Variants in PCDHA1 observed in about 807,000 individuals in gnomAD.
The protein encoded by PCDHA1 is protocadherin alpha 1.
PCDHA1 carries 42 observed loss-of-function variants against 61.3 expected under a neutral mutation model. That is an observed-to-expected ratio of 0.69 (90% CI 0.54 to 0.89). The LOEUF is 0.89. Among genes scored for constraint, PCDHA1 ranks in the 40% least tolerant of loss-of-function variants. The probability of loss-of-function intolerance (pLI) is 0.00; values close to 1 mark genes in which losing one functional copy is unlikely to be tolerated. For synonymous variants in PCDHA1, 610 were observed against 553.8 expected, an observed-to-expected ratio of 1.10 and a Z score of -1.43; for missense variants, 1,256 against 1,235.3, an observed-to-expected ratio of 1.02 and a Z score of -0.25.
At chr5:140,863,810 C>T (rs1554158466) in intron 1 of PCDHA1, 8 of 203,770 alleles carry the variant, frequency 3.9e-5, no homozygotes, top group South Asian at 2.6e-4. Context: ...ACCAGCCTGG[C>T]CAACATGGTG....
At chr5:140,943,726 A>G (rs181662166) in intron 1 of PCDHA1, among the ~76,000 whole-genome samples, 8 of 152,372 alleles carry the variant, frequency 5.3e-5, no homozygotes, top group Middle Eastern at 3.4e-3. Flanking sequence ...GTCTGAGAGA[A>G]TGAAAGTCCA....
chr5:140,961,027 C>G (rs1222428259), intron 1 of PCDHA1, among the ~76,000 whole-genome samples: 1 of 152,164 alleles, frequency 6.6e-6, no homozygotes, highest in Non-Finnish European at 1.5e-5. Flanking sequence ...CTTGCTACCT[C>G]CTTGTTTTGA....
chr5:140,786,701 A>G lies in PCDHA1; in HGVS notation c.411A>G (p.Glu137=). 6.2e-7 allele frequency: 1 copy of G among 1,614,242 alleles called. No homozygotes were observed. Among genetic ancestry groups the G allele is most frequent in the Non-Finnish European group, 8.5e-7 (1 of 1,180,050 alleles). The change falls in exon 1 of 4, where the codon GAA becomes GAG. Residue 137 remains glutamate (E), a synonymous_variant. Transcript: ENST00000504120. ...ATCCACCCGTCTTCAGGGGCAGAGA[A>G]CAAATAATATTTATTCCTGAATCTA... The part of the protein sequence containing the change: ...NDNPPVFRGR[E]QIIFIPESRL...
At chr5:140,814,442 C>A (rs985107425) in intron 1 of PCDHA1, 1 of 148,282 alleles carries the variant, frequency 6.7e-6, no homozygotes, top group East Asian at 1.9e-4. Flanking sequence ...TTGTGGTGAC[C>A]TTTTTTCTTT....
rs1279359347 is a variant in PCDHA1 at position 141,012,130 on chromosome 5, C to T, written c.*2193C>T. ...ACTGAAGCCCATGTATCTGACCTTA[C>T]GTGCCTTTTGAACTAGGAGAATCGG... On this transcript the variant is annotated 3_prime_UTR_variant, in exon 4 of 4. Coordinates refer to ENST00000504120, the MANE Select transcript of PCDHA1 (RefSeq NM_018900.4). The T allele has an allele frequency of 2.0e-5, 3 of 153,796 alleles. No individual in the cohort carries two copies. The highest frequency in any genetic ancestry group is 1.9e-4 in the East Asian group (1 of 5,172). 9.5% of individuals were successfully genotyped at this position (153,796 alleles called of 1,614,324 possible). A position where few individuals can be genotyped will look rare whatever the true frequency, so the allele number is the denominator to read the frequency against.
chr5:140,961,694 G>A (rs1554225551), intron 1 of PCDHA1, among the ~76,000 whole-genome samples: 2 of 152,152 alleles, frequency 1.3e-5, no homozygotes, highest in Non-Finnish European at 2.9e-5. Flanking sequence ...GTAGTCCTTA[G>A]TATGAATGCC....
intron 1 of PCDHA1, chr5:140,966,657 G>A: frequency 1.7e-6 from 2 of 1,210,192 alleles, no homozygotes; most frequent in Admixed American, 3.9e-5. Context: ...TGAGCGGTGG[G>A]GGAGCAGGCG....
intron 3 of PCDHA1, among the ~76,000 whole-genome samples, chr5:141,005,701 CAAAAAAAAAAAAAAAAA>C (rs59860837): frequency 2.6e-4 from 2 of 7,786 alleles, no homozygotes; most frequent in East Asian, 6.3e-3. Flanking sequence ...AACTCCGTCT[CAAAAAAAAAAAAAAAAA>C]AAAAAAAAAA....
chr5:140,897,762 A>C (rs572488219), intron 1 of PCDHA1, among the ~76,000 whole-genome samples: 15 of 152,204 alleles, frequency 9.9e-5, no homozygotes, highest in African/African-American at 2.7e-4. Context: ...AGGAATCGCC[A>C]CACTGACTTC....
chr5:140,912,122 C>A (rs1008861945), intron 1 of PCDHA1, among the ~76,000 whole-genome samples: 1 of 152,194 alleles, frequency 6.6e-6, no homozygotes, highest in Admixed American at 6.5e-5. Context: ...GAGGCTAAGT[C>A]AGTCTAATCT....
intron 3 of PCDHA1, among the ~76,000 whole-genome samples, chr5:140,996,644 A>G (rs2097736322): frequency 6.6e-6 from 1 of 152,144 alleles, no homozygotes; most frequent in Non-Finnish European, 1.5e-5. Flanking sequence ...TATGTAGTTA[A>G]TCCTGGGTGC....
rs2055991111 is a variant in PCDHA1 at position 140,875,957 on chromosome 5, T to C, written c.2394+87273T>C. 1.1e-5 allele frequency: 17 copies of C among 1,614,050 alleles called. No individual in the cohort carries two copies. The highest frequency in any genetic ancestry group is 1.4e-5 in the Non-Finnish European group (16 of 1,180,000). ...CTAGAGGGCGCTTCTGATGCGGATA[T>C]CGGCGTAAACTCTCTTTTGACCTAT... On this transcript the variant is annotated intron_variant, in intron 1 of 3. Coordinates refer to ENST00000504120, the MANE Select transcript of PCDHA1 (RefSeq NM_018900.4).
intron 1 of PCDHA1, chr5:140,822,061 C>A (rs2150113317): frequency 3.1e-6 from 5 of 1,614,168 alleles, no homozygotes; most frequent in Non-Finnish European, 4.2e-6. Flanking sequence ...GGAGCTGTGC[C>A]GGCGGAGGGC....
rs782637341 is a variant in PCDHA1, at chr5:141,010,225, C to A, written c.*288C>A. Reference sequence around the variant, plus strand: ...CCGCCGCAAAGGAGAGGCTTCCCAGCCCCGCCAGTGAGAGGTTGGACTCTC... The same window carrying A: ...CCGCCGCAAAGGAGAGGCTTCCCAGACCCGCCAGTGAGAGGTTGGACTCTC... On this transcript the variant is annotated 3_prime_UTR_variant, in exon 4 of 4. Transcript: ENST00000504120. 11 of 1,551,730 alleles carry A rather than the reference C, an allele frequency of 7.1e-6. No homozygotes were observed. The highest frequency in any genetic ancestry group is 8.7e-6 in the Non-Finnish European group (10 of 1,147,034).
intron 1 of PCDHA1, chr5:140,850,667 G>A (rs2150492921): frequency 2.5e-6 from 4 of 1,598,380 alleles, no homozygotes; most frequent in East Asian, 2.2e-5. Flanking sequence ...TGCGGTGCTC[G>A]GCGATGCCCA....
chr5:140,848,170 G>A, intron 1 of PCDHA1: 1 of 259,584 alleles, frequency 3.9e-6, no homozygotes, highest in Non-Finnish European at 7.4e-6. Flanking sequence ...GAAGGCTCCA[G>A]CAAGAGAAAC....
At chr5:140,876,483 G>T (rs373900620) in intron 1 of PCDHA1, 1 of 1,614,004 alleles carries the variant, frequency 6.2e-7, no homozygotes, top group Non-Finnish European at 8.5e-7. Flanking sequence ...GCATGGTCCT[G>T]GTGGAAGTTC....
At chr5:140,902,301 G>A (rs943083254) in intron 1 of PCDHA1, among the ~76,000 whole-genome samples, 1 of 149,570 alleles carries the variant, frequency 6.7e-6, no homozygotes, top group African/African-American at 2.5e-5. Context: ...GCCTCCCAAA[G>A]TGCTGGGATT....
At position 140,969,285 on chromosome 5, in the gene PCDHA1, C is replaced by T. The variant is rs782734189; in HGVS notation, c.2395-9664C>T. The stretch of plus-strand genomic sequence containing the variant: ...CTCACAGGCCAAAGTGGTCAGAATG[C>T]TGGGAACCTGATTATTCTCAAAAAT... On this transcript the variant is annotated intron_variant, in intron 1 of 3. Coordinates refer to ENST00000504120, the MANE Select transcript of PCDHA1 (RefSeq NM_018900.4). 51 of 1,614,062 alleles carry T rather than the reference C, an allele frequency of 3.2e-5. No individual in the cohort carries two copies. The highest frequency in any genetic ancestry group is 4.3e-5 in the Non-Finnish European group (51 of 1,180,038).
Sources: gnomAD v4.1 joint callset for allele counts (sites outside exome capture counted in the v4.1 genomes callset) on GRCh38, gnomAD v4.1.1 for gene constraint, MANE v1.5 for transcripts, NCBI Gene and HGNC (gene_info 2026-07-23, HGNC 2026-07-21) for gene names.